ELP5: variants seen among roughly 807,000 people sequenced by gnomAD.
ELP5 encodes elongator complex protein 5.
Under a neutral mutation model 33.4 loss-of-function variants are expected in ELP5, and 34 were observed. The ratio of observed to expected loss-of-function variants is 1.02; its 90% CI spans 0.78 to 1.36. The LOEUF is 1.36. Among genes scored for constraint, ELP5 ranks in the 40% most tolerant of loss-of-function variants. ELP5 has a pLI of 0.00. For synonymous variants in ELP5, 161 were observed against 146.4 expected (o/e 1.10, Z -0.72); for missense variants, 373 against 371.7 (o/e 1.00, Z -0.03).
chr17:7,256,757 C>A, intron 4 of ELP5, 100 bp from the exon 5 acceptor site: 1 of 1,259,944 alleles, frequency 7.9e-7, no homozygotes, highest in Non-Finnish European at 1.1e-6. Flanking sequence ...ATTTTGGCAG[C>A]ACTGTGATGG....
In ELP5 at chr17:7,252,218, T is replaced by C; in HGVS notation, c.-333T>C. 2.4e-6 allele frequency: 1 copy of C among 423,150 alleles called. No homozygotes were observed. The highest frequency in any genetic ancestry group is 2.1e-5 in the South Asian group (1 of 47,418). The allele number at this position is 423,150 out of a possible 1,614,324, so 26.2% of individuals were successfully genotyped here. Reference sequence around the variant, plus strand: ...CGTGGGCGGGGAGAGTGACGTCACTTGGCCCGCGCTTAGGGCCCTCGCGGG... The same window carrying C: ...CGTGGGCGGGGAGAGTGACGTCACTCGGCCCGCGCTTAGGGCCCTCGCGGG... On this transcript the variant is annotated 5_prime_UTR_variant, in exon 1 of 8. Transcript: ENST00000396628.
intron 4 of ELP5, among the ~76,000 whole-genome samples, chr17:7,256,217 C>G (rs1375098928): frequency 6.6e-6 from 1 of 151,888 alleles, no homozygotes; most frequent in African/African-American, 2.4e-5. Context: ...GGCGTGGTGG[C>G]ACGCGCCTGT....
upstream of ELP5, chr17:7,251,948 G>C (rs1045384572): frequency 6.3e-6 from 1 of 159,938 alleles, no homozygotes; most frequent in Non-Finnish European, 1.4e-5. Flanking sequence ...TTCCCACTCT[G>C]ACAGGCGCCA....
At chr17:7,256,763 G>A in intron 4 of ELP5, 94 bp from the exon 5 acceptor site, 1 of 1,342,330 alleles carries the variant, frequency 7.4e-7, no homozygotes, top group South Asian at 1.2e-5. Flanking sequence ...GCAGCACTGT[G>A]ATGGAATTGT....
intron 4 of ELP5, among the ~76,000 whole-genome samples, chr17:7,255,526 CAAA>C (rs1004666450): frequency 7.7e-6 from 1 of 129,174 alleles, no homozygotes; most frequent in Admixed American, 7.9e-5. Flanking sequence ...GACTCCATCT[CAAA>C]AAAAAAAAAA....
intron 4 of ELP5, among the ~76,000 whole-genome samples, chr17:7,256,431 T>C (rs962291573): frequency 1.3e-5 from 2 of 152,216 alleles, no homozygotes; most frequent in African/African-American, 2.4e-5. Flanking sequence ...ATTCAAACAT[T>C]GTGTTAAAGC....
Position 7,258,576 on chromosome 17 carries a change from T to C in ELP5, c.592-12T>C, listed in dbSNP as rs1567593898. On this transcript the variant is annotated splice_polypyrimidine_tract_variant and intron_variant, in intron 5 of 7. Coordinates refer to ENST00000396628, the MANE Select transcript of ELP5 (RefSeq NM_203414.3). The stretch of plus-strand genomic sequence containing the variant: ...GTAAGATGAAAAAAACTCTTTTCTT[T>C]TTTCTCTCCAGACTCAGTGGTTCTC... The C allele has an allele frequency of 3.7e-6, 6 of 1,612,202 alleles. No homozygotes were observed. The highest frequency in any genetic ancestry group is 1.3e-5 in the African/African-American group (1 of 74,806).
intron 7 of ELP5, 196 bp downstream of exon 7, chr17:7,259,122 A>T (rs543834264): frequency 5.6e-6 from 8 of 1,437,370 alleles, no homozygotes; most frequent in Non-Finnish European, 7.3e-6. Context: ...TCTCTCCCTT[A>T]TACCCTTGGG....
Position 7,258,889 on chromosome 17 carries a change from G to A in ELP5, c.751G>A (p.Asp251Asn). Reference sequence around the variant, plus strand: ...GTCCAAGAAAGAGAGAGAAGCCAGAGATAGCCTGATCCTGCCCTTCCAGTT... The same window carrying A: ...GTCCAAGAAAGAGAGAGAAGCCAGAAATAGCCTGATCCTGCCCTTCCAGTT... The part of the protein sequence containing the change: ...HLSKKEREAR[D>N]SLILPFQFSS... Residue 251 changes from aspartate to asparagine, a missense_variant, in exon 7 of 8, where the codon GAT becomes AAT. Asp to Asn is a conservative substitution (Grantham distance 23). Coordinates refer to ENST00000396628, the MANE Select transcript of ELP5 (RefSeq NM_203414.3). 3.7e-6 allele frequency: 6 copies of A among 1,614,194 alleles called. No individual in the cohort carries two copies. The highest frequency in any genetic ancestry group is 5.1e-6 in the Non-Finnish European group (6 of 1,180,040).
Position 7,252,508 on chromosome 17 carries a change from G to A in ELP5, c.-43G>A. 2 of 1,613,600 alleles carry A rather than the reference G, an allele frequency of 1.2e-6. No homozygotes were observed. Among genetic ancestry groups the A allele is most frequent in the South Asian group, 1.1e-5 (1 of 90,952 alleles). On this transcript the variant is annotated 5_prime_UTR_variant, in exon 1 of 8. Coordinates refer to ENST00000396628, the MANE Select transcript of ELP5 (RefSeq NM_203414.3). ...AGGAGGAAGGACACTGGGTCATGAC[G>A]CCATCAGAGGGCGCCAGAGCAGGGA...
intron 4 of ELP5, 25 bp downstream of exon 4, chr17:7,254,828 C>T (rs371731611): frequency 1.3e-5 from 21 of 1,588,672 alleles, no homozygotes; most frequent in Middle Eastern, 1.7e-4. Flanking sequence ...TCATTGTTTC[C>T]CCTCATACAT....
intron 5 of ELP5, among the ~76,000 whole-genome samples, chr17:7,257,581 C>CA (rs2072106249): frequency 6.6e-6 from 1 of 151,516 alleles, no homozygotes; most frequent in African/African-American, 2.4e-5. Flanking sequence ...GGAGCACAGG[C>CA]ATGTAGCACC....
At chr17:7,256,834 C>T in intron 4 of ELP5, 23 bp from the exon 5 acceptor site, 1 of 1,613,604 alleles carries the variant, frequency 6.2e-7, no homozygotes, top group East Asian at 2.2e-5. Context: ...CCCTACTATC[C>T]TACATTTCTT....
At chr17:7,256,300 G>A (rs890167238) in intron 4 of ELP5, among the ~76,000 whole-genome samples, 11 of 152,080 alleles carry the variant, frequency 7.2e-5, no homozygotes, top group African/African-American at 1.7e-4. Flanking sequence ...CCAAGATTGC[G>A]CCACTGCACT....
intron 4 of ELP5, among the ~76,000 whole-genome samples, chr17:7,256,597 C>T (rs1015365167): frequency 2.0e-5 from 3 of 152,176 alleles, no homozygotes; most frequent in Admixed American, 6.6e-5. Flanking sequence ...CTGCTGGAAG[C>T]GTTCGTTCCA....
At chr17:7,258,037 C>A (rs1183969871) in intron 5 of ELP5, among the ~76,000 whole-genome samples, 1 of 151,654 alleles carries the variant, frequency 6.6e-6, no homozygotes, top group African/African-American at 2.4e-5. Flanking sequence ...CACTACACTC[C>A]AGCCTGGGCA....
chr17:7,252,299 G>T lies in ELP5; in HGVS notation c.-252G>T, dbSNP rs1024900610. ...GACAACTGCCCCAACTGCTCTTCCC[G>T]CCCCGGTCACAGTGAAAATGTAGAC... On this transcript the variant is annotated 5_prime_UTR_variant, in exon 1 of 8. Coordinates refer to ENST00000396628, the MANE Select transcript of ELP5 (RefSeq NM_203414.3). 8.6e-6 allele frequency: 5 copies of T among 582,438 alleles called. No homozygotes were observed. The highest frequency in any genetic ancestry group is 1.2e-5 in the Non-Finnish European group (4 of 323,808). The allele number at this position is 582,438 out of a possible 1,614,324, so 36.1% of individuals were successfully genotyped here.
Position 7,254,719 on chromosome 17 carries a change from TC to T in ELP5, c.326del (p.Ser109TyrfsTer21). On this transcript the variant is annotated frameshift_variant, in exon 4 of 8. Coordinates refer to ENST00000396628, the MANE Select transcript of ELP5 (RefSeq NM_203414.3). LOFTEE classifies it high-confidence loss of function. ...TGTTCCTGTCACCATTGCTCTCGATTCACTCAGCTGGCTGCTACTTCGCCTT... is the reference window on the plus strand; with the variant it reads ...TGTTCCTGTCACCATTGCTCTCGATTACTCAGCTGGCTGCTACTTCGCCTT... ...DPVPVTIALD[S>X]LSWLLLRLPC... 6.2e-7 allele frequency: 1 copy of T among 1,614,172 alleles called. No homozygotes were observed. The highest frequency in any genetic ancestry group is 1.3e-5 in the African/African-American group (1 of 75,036).
In ELP5 at chr17:7,252,581, C is replaced by T. The variant is rs2071966108; in HGVS notation, c.31C>T (p.Leu11=). ...GGACTCGCTGTTGGCCTTGGGCGGC[C>T]TGGTGCTGCTTCGGGGTGAGAGCCA... MLDSLLALGG[L]VLLRDSVEWE... The change falls in exon 1 of 8, where the codon CTG becomes TTG. Residue 11 remains leucine, a synonymous_variant. Transcript: ENST00000396628. The T allele has an allele frequency of 6.2e-7, 1 of 1,612,820 alleles. No homozygotes were observed.
Sources: gnomAD v4.1 joint callset for allele counts (sites outside exome capture counted in the v4.1 genomes callset) on GRCh38, gnomAD v4.1.1 for gene constraint, MANE v1.5 for transcripts, NCBI Gene and HGNC (gene_info 2026-07-23, HGNC 2026-07-21) for gene names.